POLR2F: variants seen among roughly 807,000 people sequenced by gnomAD.
The protein encoded by POLR2F is DNA-directed RNA polymerases I, II, and III subunit RPABC2.
A neutral mutation model predicts 22.7 loss-of-function variants in POLR2F; 12 were observed. The ratio of observed to expected loss-of-function variants is 0.53; its 90% confidence interval spans 0.34 to 0.86. The LOEUF (loss-of-function observed/expected upper bound fraction) is 0.86, where lower values mean the gene tolerates loss of function less well. POLR2F is among the 40% of genes least tolerant of loss of function. The pLI is 0.02. For missense variants in POLR2F, 126 were observed against 171.5 expected, an observed-to-expected ratio of 0.73 and a Z score of 1.48; for synonymous variants, 57 against 66.0, an observed-to-expected ratio of 0.86 and a Z score of 0.66.
At chr22:37,982,126 T>C (rs1376694759), upstream of POLR2F, among the ~76,000 whole-genome samples, 1 of 152,160 alleles carries the variant, frequency 6.6e-6, no homozygotes, top group African/African-American at 2.4e-5. Flanking sequence ...CTTGTTCTCA[T>C]CTTCTTGCTT....
intron 5 of POLR2F, among the ~76,000 whole-genome samples, chr22:38,034,806 C>A (rs2145834326): frequency 1.3e-5 from 2 of 152,280 alleles, no homozygotes; most frequent in East Asian, 3.9e-4. Context: ...GAGGTGGGGG[C>A]AGGGCTTGAG....
intron 1 of POLR2F, among the ~76,000 whole-genome samples, chr22:38,006,539 A>G (rs997600308): frequency 1.5e-4 from 23 of 152,246 alleles, no homozygotes; most frequent in African/African-American, 5.5e-4. Context: ...TTCATCCCTT[A>G]CTCTTGGAGC....
intron 5 of POLR2F, chr22:38,040,900 G>T: frequency 9.8e-7 from 1 of 1,020,740 alleles, no homozygotes. Flanking sequence ...AGGGGAACAT[G>T]GGGGCAAGGA....
downstream of POLR2F, chr22:37,973,810 C>T: frequency 6.3e-7 from 1 of 1,598,244 alleles, no homozygotes; most frequent in Non-Finnish European, 8.5e-7. Context: ...GCCCCTGGGG[C>T]CCCGCGGTCT....
intron 5 of POLR2F, among the ~76,000 whole-genome samples, chr22:38,038,906 G>C (rs2085143749): frequency 6.6e-6 from 1 of 152,056 alleles, no homozygotes; most frequent in Non-Finnish European, 1.5e-5. Flanking sequence ...AGGGCGGCCT[G>C]GGCTTTCCCA....
At chr22:38,020,077 G>A (rs535095606) in intron 1 of POLR2F, among the ~76,000 whole-genome samples, 67 of 151,852 alleles carry the variant, frequency 4.4e-4, no homozygotes, top group African/African-American at 1.5e-3. Flanking sequence ...GGCCGGCCGT[G>A]GTGGCTCATA....
upstream of POLR2F, among the ~76,000 whole-genome samples, chr22:37,981,259 C>T (rs1247415857): frequency 6.6e-6 from 1 of 152,224 alleles, no homozygotes; most frequent in Non-Finnish European, 1.5e-5. Flanking sequence ...TCAGGAGAAG[C>T]CCCTGGAGCA....
chr22:38,011,609 T>C (rs1394386972), intron 1 of POLR2F, among the ~76,000 whole-genome samples: 4 of 152,182 alleles, frequency 2.6e-5, no homozygotes, highest in Non-Finnish European at 5.9e-5. Context: ...TTTCTATTTT[T>C]CCACTGATGT....
chr22:38,015,715 A>G (rs1304630275), intron 1 of POLR2F, among the ~76,000 whole-genome samples: 1 of 152,128 alleles, frequency 6.6e-6, no homozygotes, highest in African/African-American at 2.4e-5. Context: ...AGTTATGAGA[A>G]TCCATGATAG....
chr22:37,974,155 T>C, downstream of POLR2F: 1 of 1,609,330 alleles, frequency 6.2e-7, no homozygotes, highest in African/African-American at 1.3e-5. This position sits in a 1 kb window ranked among gnomAD's most constrained non-coding sequence, Gnocchi z 5.4. Context: ...ACTGCAGCTC[T>C]GTCTTCGGGG....
chr22:37,990,718 G>A (rs1247014576), intron 1 of POLR2F, among the ~76,000 whole-genome samples: 1 of 152,266 alleles, frequency 6.6e-6, no homozygotes, highest in African/African-American at 2.4e-5. Flanking sequence ...CAATGGCTGT[G>A]GAGGCCCTGT....
intron 3 of POLR2F, among the ~76,000 whole-genome samples, chr22:37,960,565 C>T (rs6000961): frequency 0.035 from 5,360 of 151,054 alleles, 306 homozygotes; most frequent in African/African-American, 0.12. Context: ...GCCCAGCTAG[C>T]TTTTTGTATT....
At chr22:37,983,626 C>A, upstream of POLR2F, 1 of 1,604,762 alleles carries the variant, frequency 6.2e-7, no homozygotes. The surrounding 1 kb of genome is among the most constrained non-coding windows in gnomAD (Gnocchi z 9.5). Flanking sequence ...CCTTCTTGAC[C>A]TTGCCCAGCT....
In POLR2F at chr22:37,977,880, G is replaced by A. The variant is rs752963435; in HGVS notation, c.293+10710G>A. ...ATCAGCACTCACCTGAGGGGTGCTCGGGGTTCCCATCTGACATGGGGGAGC... is the reference window on the plus strand; with the variant it reads ...ATCAGCACTCACCTGAGGGGTGCTCAGGGTTCCCATCTGACATGGGGGAGC... On this transcript the variant is annotated intron_variant, in intron 4 of 4. Transcript: ENST00000405557. The A allele has an allele frequency of 7.4e-6, 12 of 1,611,340 alleles. No homozygotes were observed. Among genetic ancestry groups the A allele is most frequent in the East Asian group, 2.2e-5 (1 of 44,832 alleles).
chr22:37,971,191 A>G, downstream of POLR2F: 1 of 469,076 alleles, frequency 2.1e-6, no homozygotes, highest in Non-Finnish European at 4.4e-6. Flanking sequence ...AACCACAGGC[A>G]GGTGGAGGGG....
chr22:38,015,298 G>C (rs542619715), intron 1 of POLR2F, among the ~76,000 whole-genome samples: 67 of 152,330 alleles, frequency 4.4e-4, no homozygotes, highest in African/African-American at 1.5e-3. Flanking sequence ...TGGTGGGGAT[G>C]GTTTGTGGGG....
chr22:37,953,980 C>T lies in POLR2F; in HGVS notation c.20+173C>T, dbSNP rs1051733120. 3 of 713,734 alleles carry T rather than the reference C, an allele frequency of 4.2e-6. No homozygotes were observed. The East Asian group carries it at 8.4e-5, about 20-fold the overall frequency. 44.2% of individuals were successfully genotyped at this position (713,734 alleles called of 1,614,324 possible). A position where few individuals can be genotyped will look rare whatever the true frequency, so the allele number is the denominator to read the frequency against. On this transcript the variant is annotated intron_variant, in intron 1 of 4. Coordinates refer to ENST00000442738, the MANE Select transcript of POLR2F (RefSeq NM_021974.5). ...GGCGGGCGACCCAGGAGCACAGCCCCGGCTGGAGGCACAGGAGGGCCCAGG... is the reference window on the plus strand; with the variant it reads ...GGCGGGCGACCCAGGAGCACAGCCCTGGCTGGAGGCACAGGAGGGCCCAGG...
At chr22:37,966,724 C>A (rs1453608126) in intron 3 of POLR2F, among the ~76,000 whole-genome samples, 1 of 152,108 alleles carries the variant, frequency 6.6e-6, no homozygotes, top group African/African-American at 2.4e-5. Context: ...ACGATCTCCC[C>A]ATTGCACTCC....
downstream of POLR2F, chr22:37,972,706 G>T: frequency 6.3e-6 from 1 of 157,784 alleles, no homozygotes; most frequent in Non-Finnish European, 1.4e-5. Flanking sequence ...GAGCTGGCAA[G>T]GAGCCCAGGG....
Sources: gnomAD v4.1 joint callset for allele counts (sites outside exome capture counted in the v4.1 genomes callset) on GRCh38, gnomAD v4.1.1 for gene constraint, Gnocchi (gnomAD v3.1) non-coding constraint, MANE v1.5 for transcripts, NCBI Gene and HGNC (gene_info 2026-07-23, HGNC 2026-07-21) for gene names.